PPP1R3A: variants seen among roughly 807,000 people sequenced by gnomAD.
PPP1R3A encodes the protein protein phosphatase 1 regulatory subunit 3A.
A neutral mutation model predicts 41.7 loss-of-function variants in PPP1R3A; 29 were observed. The ratio of observed to expected loss-of-function variants is 0.70; its 90% CI spans 0.52 to 0.95. PPP1R3A has a LOEUF of 0.95. Among genes scored for constraint, PPP1R3A ranks in the 40% least tolerant of loss-of-function variants. The pLI is 0.00. For synonymous variants in PPP1R3A, 485 were observed against 453.4 expected, an observed-to-expected ratio of 1.07 and a Z score of -0.89; for missense variants, 1,352 against 1,292.4, an observed-to-expected ratio of 1.05 and a Z score of -0.71.
At chr7:113,912,756 G>T (rs868637935) in intron 1 of PPP1R3A, among the ~76,000 whole-genome samples, 3 of 151,706 alleles carry the variant, frequency 2.0e-5, no homozygotes, top group African/African-American at 7.3e-5. Flanking sequence ...GAAATAGTGG[G>T]CTCTGCTTTA....
chr7:113,880,128 T>C lies in PPP1R3A; in HGVS notation c.967-3A>G. On this transcript the variant is annotated splice_region_variant and splice_polypyrimidine_tract_variant and intron_variant, in intron 3 of 3. Coordinates refer to ENST00000284601, the MANE Select transcript of PPP1R3A (RefSeq NM_002711.4). The stretch of plus-strand genomic sequence containing the variant: ...GTTCTTATTAAGTGTTGATTTATCT[T>C]ATGGGATAAAAACAACAAAGAAATA... 1.9e-6 allele frequency: 3 copies of C among 1,583,394 alleles called. No homozygotes were observed. The highest frequency in any genetic ancestry group is 1.3e-5 in the African/African-American group (1 of 74,150).
rs780350290 is a variant in PPP1R3A at position 113,879,414 on chromosome 7, T to G, written c.1678A>C (p.Arg560=). ...TCGCTCAGCAGAGTAGCCAGGTCTC[T>G]GTTACTAGCTCCAATCCCTGCCACA... The part of the protein sequence containing the change: ...ISVAGIGASN[R]DLATLLSEHT... Residue 560 remains arginine, a synonymous_variant, in exon 4 of 4, where the codon AGA becomes CGA. Coordinates refer to ENST00000284601, the MANE Select transcript of PPP1R3A (RefSeq NM_002711.4). The G allele has an allele frequency of 6.2e-7, 1 of 1,613,604 alleles. No individual in the cohort carries two copies. Among genetic ancestry groups the G allele is most frequent in the Non-Finnish European group, 8.5e-7 (1 of 1,179,746 alleles).
intron 1 of PPP1R3A, among the ~76,000 whole-genome samples, chr7:113,897,639 G>A (rs990553185): frequency 2.6e-5 from 4 of 151,490 alleles, no homozygotes; most frequent in African/African-American, 4.8e-5. Flanking sequence ...TCTTATATTC[G>A]CTGGAGCCAC....
chr7:113,918,529 T>G lies in PPP1R3A; in HGVS notation c.468A>C (p.Leu156Phe), dbSNP rs769328171. 2.5e-6 allele frequency: 4 copies of G among 1,612,888 alleles called. No homozygotes were observed. Among genetic ancestry groups the G allele is most frequent in the Non-Finnish European group, 1.7e-6 (2 of 1,179,460 alleles). Residue 156 changes from leucine (L) to phenylalanine (F), a missense_variant, in exon 1 of 4, where the codon TTA becomes TTC. Physicochemically the swap from Leu to Phe is conservative, Grantham distance 22. Transcript: ENST00000284601. ...CATCTAAAGACATTCTTACATATAC[T>G]AACTTCTCAAAAGAAACATTCAAAA... Reference protein sequence around the residue: ...IRVLNVSFEKLVYVRMSLDDW... With the variant: ...IRVLNVSFEKFVYVRMSLDDW...
intron 1 of PPP1R3A, among the ~76,000 whole-genome samples, chr7:113,914,336 T>A (rs947638369): frequency 6.6e-6 from 1 of 152,202 alleles, no homozygotes; most frequent in South Asian, 2.1e-4. Flanking sequence ...GAAATTAATA[T>A]GCATGTCTGT....
intron 1 of PPP1R3A, among the ~76,000 whole-genome samples, chr7:113,891,054 A>G (rs1357787317): frequency 6.8e-6 from 1 of 147,700 alleles, no homozygotes; most frequent in East Asian, 2.0e-4. Flanking sequence ...TGTTCTTTCC[A>G]TAAAGGGTCA....
intron 3 of PPP1R3A, among the ~76,000 whole-genome samples, chr7:113,880,714 GTTTTT>G (rs5886685): frequency 6.9e-6 from 1 of 145,564 alleles, no homozygotes; most frequent in East Asian, 2.0e-4. Flanking sequence ...AGATGCCTGT[GTTTTT>G]TTTTTTTTCT....
At chr7:113,907,153 C>A (rs1797161236) in intron 1 of PPP1R3A, among the ~76,000 whole-genome samples, 1 of 151,708 alleles carries the variant, frequency 6.6e-6, no homozygotes, top group African/African-American at 2.4e-5. Context: ...AAATCAGAAT[C>A]TTTTATTATT....
At position 113,918,358 on chromosome 7, in the gene PPP1R3A, A is replaced by C. The variant is rs746503549; in HGVS notation, c.639T>G (p.Thr213=). ...SKVEFCIRYE[T]SVGTFWSNNN... is the part of the protein sequence containing the mutation. ...TATTTGACCAAAATGTACCAACAGA[A>C]GTTTCATAACGTATACAAAACTCAA... The change falls in exon 1 of 4, where the codon ACT becomes ACG. Residue 213 remains threonine, a synonymous_variant. Coordinates refer to ENST00000284601, the MANE Select transcript of PPP1R3A (RefSeq NM_002711.4). 3 of 1,613,408 alleles carry C rather than the reference A, an allele frequency of 1.9e-6. No homozygotes were observed. The East Asian group carries it at 6.7e-5, about 36-fold the overall frequency.
At chr7:113,897,640 C>A (rs1325078961) in intron 1 of PPP1R3A, among the ~76,000 whole-genome samples, 1 of 151,408 alleles carries the variant, frequency 6.6e-6, no homozygotes, top group Non-Finnish European at 1.5e-5. Flanking sequence ...CTTATATTCG[C>A]TGGAGCCACC....
intron 1 of PPP1R3A, among the ~76,000 whole-genome samples, chr7:113,915,860 A>G (rs1037135093): frequency 1.3e-5 from 2 of 151,686 alleles, no homozygotes; most frequent in African/African-American, 4.8e-5. Flanking sequence ...CTCTAACCAA[A>G]CTCTTCACAA....
At chr7:113,894,138 T>C (rs2129117014) in intron 1 of PPP1R3A, among the ~76,000 whole-genome samples, 1 of 152,092 alleles carries the variant, frequency 6.6e-6, no homozygotes, top group East Asian at 1.9e-4. Context: ...AGGCACTCAA[T>C]TGTCAGGATC....
In PPP1R3A at chr7:113,877,738, A is replaced by G; in HGVS notation, c.3354T>C (p.Ser1118=). Residue 1118 remains serine (S), a synonymous_variant, in exon 4 of 4, where the codon TCT becomes TCC. Coordinates refer to ENST00000284601, the MANE Select transcript of PPP1R3A (RefSeq NM_002711.4). ...AGTGCTGAGGTTACTTCTTTTTGAC[A>G]GACTCTTTTTGTCTACCCTCTTCCC... ...LSWEEGRQKE[S]VKKK is the part of the protein sequence containing the mutation. 1 of 1,551,376 alleles carries G rather than the reference A, an allele frequency of 6.4e-7. No individual in the cohort carries two copies. Among genetic ancestry groups the G allele is most frequent in the South Asian group, 1.3e-5 (1 of 78,404 alleles).
intron 1 of PPP1R3A, among the ~76,000 whole-genome samples, chr7:113,890,794 A>C (rs968504187): frequency 3.9e-5 from 6 of 152,016 alleles, no homozygotes; most frequent in Admixed American, 3.9e-4. Context: ...GTCAGCTATT[A>C]ATCATTCAAA....
Position 113,918,950 on chromosome 7 carries a change from A to G in PPP1R3A, c.47T>C (p.Leu16Ser). The change falls in exon 1 of 4, where the codon TTA becomes TCA. Residue 16 changes from leucine to serine, a missense_variant. Leu to Ser is a moderately radical substitution (Grantham distance 145). Transcript: ENST00000284601. ...AGAGTCAGATAAATTAGGAACTTCT[A>G]AAAAATTATCTTTGCTAATCTGACT... ...VPSQISKDNF[L>S]EVPNLSDSLC... 6.2e-7 allele frequency: 1 copy of G among 1,612,770 alleles called. No homozygotes were observed. The highest frequency in any genetic ancestry group is 8.5e-7 in the Non-Finnish European group (1 of 1,179,240).
intron 1 of PPP1R3A, among the ~76,000 whole-genome samples, chr7:113,894,007 G>T (rs1796936993): frequency 6.6e-6 from 1 of 151,890 alleles, no homozygotes; most frequent in Non-Finnish European, 1.5e-5. Flanking sequence ...CAAAGTGGTA[G>T]GTGGTGGTGT....
chr7:113,907,269 C>T (rs1196615451), intron 1 of PPP1R3A, among the ~76,000 whole-genome samples: 3 of 151,704 alleles, frequency 2.0e-5, no homozygotes, highest in South Asian at 2.1e-4. Context: ...TTCATAAACT[C>T]GGAGGAACTT....
chr7:113,902,992 C>A (rs1480674459), intron 1 of PPP1R3A, among the ~76,000 whole-genome samples: 1 of 151,682 alleles, frequency 6.6e-6, no homozygotes, highest in Admixed American at 6.6e-5. Context: ...CATCAATACC[C>A]AAGCTAAGAG....
chr7:113,916,360 G>A (rs1182072118), intron 1 of PPP1R3A, among the ~76,000 whole-genome samples: 1 of 152,020 alleles, frequency 6.6e-6, no homozygotes, highest in South Asian at 2.1e-4. Context: ...GAATACAAAT[G>A]TATGTGTGGA....
Sources: gnomAD v4.1 joint callset for allele counts (sites outside exome capture counted in the v4.1 genomes callset) on GRCh38, gnomAD v4.1.1 for gene constraint, MANE v1.5 for transcripts, NCBI Gene and HGNC (gene_info 2026-07-23, HGNC 2026-07-21) for gene names.